The following ARID2 variants were observed in gnomAD, a reference collection of about 807,000 sequenced individuals.
ARID2 encodes AT-rich interaction domain 2, also known as AT-rich interactive domain-containing protein 2.
A neutral mutation model predicts 184.6 loss-of-function variants in ARID2; 32 were observed. That is an observed-to-expected ratio of 0.17 (90% CI 0.13 to 0.23). The LOEUF is 0.23. Among genes scored for constraint, ARID2 ranks in the 10% least tolerant of loss-of-function variants. The pLI is 1.00. For synonymous variants in ARID2, 836 were observed against 772.6 expected (o/e 1.08, Z -1.36); for missense variants, 1,696 against 2,197.6 (o/e 0.77, Z 4.56).
rs2138177186 is a variant in ARID2 at position 45,852,246 on chromosome 12, A to G, written c.4123A>G (p.Asn1375Asp). The change falls in exon 15 of 21, where the codon AAC (asparagine) becomes GAC (aspartate). Residue 1375 changes from asparagine to aspartate, a missense_variant. Transcript: ENST00000334344. ...DKGDGSHLSK[N>D]IPNHKTSNHV... ...AGGAGATGGTTCTCATTTAAGCAAA[A>G]ACATTCCAAATCATAAAACTTCCAA... 1 of 1,614,130 alleles carries G rather than the reference A, an allele frequency of 6.2e-7. No homozygotes were observed. The highest frequency in any genetic ancestry group is 8.5e-7 in the Non-Finnish European group (1 of 1,179,998).
At chr12:45,840,926 A>G (rs1439558330) in intron 11 of ARID2, 1 of 152,222 alleles carries the variant, frequency 6.6e-6, no homozygotes, top group Non-Finnish European at 1.5e-5. Context: ...AGAAGGCACA[A>G]AATAGATAAT....
intron 3 of ARID2, among the ~76,000 whole-genome samples, chr12:45,750,230 A>G (rs922316937): frequency 2.0e-5 from 3 of 152,148 alleles, no homozygotes; most frequent in African/African-American, 7.2e-5. Context: ...ATGCCCAAGG[A>G]GAAGGGAGAG....
intron 3 of ARID2, among the ~76,000 whole-genome samples, chr12:45,743,413 T>C (rs1013081914): frequency 2.0e-5 from 3 of 151,986 alleles, no homozygotes; most frequent in East Asian, 1.9e-4. Context: ...CAGGCTTGAG[T>C]GCAGTGGCTA....
At chr12:45,861,977 A>C (rs1190355539) in intron 16 of ARID2, among the ~76,000 whole-genome samples, 1 of 152,196 alleles carries the variant, frequency 6.6e-6, no homozygotes, top group Non-Finnish European at 1.5e-5. Flanking sequence ...TTTACAAGCT[A>C]TCTTTGCTAT....
intron 3 of ARID2, among the ~76,000 whole-genome samples, chr12:45,810,783 C>A (rs1186416909): frequency 6.6e-6 from 1 of 152,014 alleles, no homozygotes; most frequent in Admixed American, 6.6e-5. Context: ...TTTATAATGA[C>A]CATGTATAAT....
chr12:45,849,676 A>C lies in ARID2; in HGVS notation c.1812A>C (p.Ile604=), dbSNP rs1223518772. The C allele has an allele frequency of 1.2e-6, 2 of 1,613,902 alleles. No individual in the cohort carries two copies. Among genetic ancestry groups the C allele is most frequent in the South Asian group, 2.2e-5 (2 of 91,060 alleles). The change falls in exon 14 of 21, where the codon ATA becomes ATC. Residue 604 remains isoleucine, a synonymous_variant. Transcript: ENST00000334344. ...TGGTAGGAGTAAAACGGAGGGCTAT[A>C]CCACTTCCCATTCAGATGTACTATC... The part of the protein sequence containing the change: ...IHVVGVKRRA[I]PLPIQMYYQQ...
intron 3 of ARID2, among the ~76,000 whole-genome samples, chr12:45,781,226 G>A (rs1253944411): frequency 1.3e-5 from 2 of 149,470 alleles, no homozygotes. Flanking sequence ...GTCTGTCACT[G>A]TCAATCTGTT....
intron 16 of ARID2, among the ~76,000 whole-genome samples, chr12:45,864,076 C>T (rs1021461072): frequency 2.6e-5 from 4 of 151,886 alleles, no homozygotes; most frequent in Non-Finnish European, 4.4e-5. Flanking sequence ...AGGCTGTTCT[C>T]GAACTCCTGA....
rs1385086744 is a variant in ARID2, at chr12:45,851,184, C to T, written c.3061C>T (p.Pro1021Ser). The change falls in exon 15 of 21, where the codon CCC (proline) becomes TCC (serine). Residue 1021 changes from proline (P) to serine (S), a missense_variant. Coordinates refer to ENST00000334344, the MANE Select transcript of ARID2 (RefSeq NM_152641.4). ...RQQQQQHSPA[P>S]PPQQVQVQVQ... ...GCAACAGCAGCAACATTCACCAGCA[C>T]CCCCACCACAGCAGGTACAAGTACA... 1.2e-6 allele frequency: 2 copies of T among 1,614,006 alleles called. No homozygotes were observed. Among genetic ancestry groups the T allele is most frequent in the Non-Finnish European group, 1.7e-6 (2 of 1,180,006 alleles).
In ARID2 at chr12:45,780,229, G is replaced by A. The variant is rs138480596; in HGVS notation, c.285-31189G>A. 5.5e-3 allele frequency among the ~76,000 whole-genome samples: 830 copies of A among 152,258 alleles called. 7 individuals carry two copies. Among genetic ancestry groups the A allele is most frequent in the African/African-American group, 0.019 (792 of 41,568 alleles). On this transcript the variant is annotated intron_variant, in intron 3 of 20. Coordinates refer to ENST00000334344, the MANE Select transcript of ARID2 (RefSeq NM_152641.4). ...ACAATCATCTGATGGAACTTACACT[G>A]CAGTTAGGGATGAGGGGGTAGAATT...
chr12:45,898,318 T>G (rs990352882), intron 20 of ARID2, among the ~76,000 whole-genome samples: 1 of 152,144 alleles, frequency 6.6e-6, no homozygotes, highest in African/African-American at 2.4e-5. Flanking sequence ...GGTAGAGAGT[T>G]CCATTATGAG....
chr12:45,888,524 C>CA (rs1246204298), intron 16 of ARID2, among the ~76,000 whole-genome samples: 1 of 152,148 alleles, frequency 6.6e-6, no homozygotes, highest in South Asian at 2.1e-4. Context: ...GAGAAGATCT[C>CA]AGAGTAGAGG....
intron 3 of ARID2, among the ~76,000 whole-genome samples, chr12:45,763,329 G>C (rs534288497): frequency 6.6e-6 from 1 of 152,062 alleles, no homozygotes; most frequent in Non-Finnish European, 1.5e-5. Flanking sequence ...AATTAGCCGG[G>C]CGTGGAGGCA....
chr12:45,850,975 C>T lies in ARID2; in HGVS notation c.2852C>T (p.Pro951Leu), dbSNP rs749828269. 6.2e-7 allele frequency: 1 copy of T among 1,614,136 alleles called. No individual in the cohort carries two copies. ...PAIHQIVLAN[P>L]AALPAGQTVQ... ...ATTCACCAAATTGTTCTTGCTAATC[C>T]AGCAGCTCTTCCAGCTGGTCAGACA... The change falls in exon 15 of 21, where the codon CCA becomes CTA. Residue 951 changes from proline to leucine, a missense_variant. Pro to Leu is a moderately conservative substitution (Grantham distance 98). Coordinates refer to ENST00000334344, the MANE Select transcript of ARID2 (RefSeq NM_152641.4).
At chr12:45,750,693 G>A (rs1238730738) in intron 3 of ARID2, among the ~76,000 whole-genome samples, 1 of 152,166 alleles carries the variant, frequency 6.6e-6, no homozygotes, top group Admixed American at 6.5e-5. Flanking sequence ...TACTTGGTTG[G>A]AGACATTTTG....
chr12:45,837,479 A>G lies in ARID2; in HGVS notation c.1121-19A>G, dbSNP rs1048243098. 1.2e-6 allele frequency: 2 copies of G among 1,613,030 alleles called. No homozygotes were observed. Among genetic ancestry groups the G allele is most frequent in the Non-Finnish European group, 1.7e-6 (2 of 1,179,260 alleles). On this transcript the variant is annotated intron_variant, in intron 9 of 20. Coordinates refer to ENST00000334344, the MANE Select transcript of ARID2 (RefSeq NM_152641.4). ...ACAAACTATCATTTCTTAGTAATAC[A>G]TATTTGTATGTTTTTCAGGCATGGA...
At chr12:45,730,204 G>A in intron 2 of ARID2, 67 bp downstream of exon 2, 1 of 1,533,594 alleles carries the variant, frequency 6.5e-7, no homozygotes, top group African/African-American at 1.4e-5. Flanking sequence ...CTTTGACCCC[G>A]GAGTGGGCGC....
chr12:45,739,299 TTA>T (rs891581887), intron 3 of ARID2, among the ~76,000 whole-genome samples: 2 of 152,106 alleles, frequency 1.3e-5, no homozygotes, highest in African/African-American at 4.8e-5. Flanking sequence ...CTTAATTGTC[TTA>T]TAGATAATCC....
intron 16 of ARID2, among the ~76,000 whole-genome samples, chr12:45,861,386 T>A (rs887031509): frequency 6.6e-6 from 1 of 152,130 alleles, no homozygotes; most frequent in Non-Finnish European, 1.5e-5. Flanking sequence ...TGGATACCTA[T>A]GAAAATTATT....
Sources: allele counts gnomAD v4.1 joint callset (sites outside exome capture counted in the v4.1 genomes callset), GRCh38; gene constraint gnomAD v4.1.1; transcripts MANE v1.5; gene names NCBI Gene and HGNC (gene_info 2026-07-23, HGNC 2026-07-21).